The following TGFBI variants were observed in gnomAD, a reference collection of about 807,000 sequenced individuals.
TGFBI encodes transforming growth factor beta induced.
Under a neutral mutation model 73.7 loss-of-function variants are expected in TGFBI, and 50 were observed. The ratio of observed to expected loss-of-function variants is 0.68; its 90% CI spans 0.54 to 0.86. The LOEUF (loss-of-function observed/expected upper bound fraction) is 0.86, where lower values mean the gene tolerates loss of function less well. Among genes scored for constraint, TGFBI ranks in the 40% least tolerant of loss-of-function variants. The probability of loss-of-function intolerance (pLI) is 0.00; values close to 1 mark genes in which losing one functional copy is unlikely to be tolerated. For synonymous variants in TGFBI, 362 were observed against 360.5 expected, an observed-to-expected ratio of 1.00 and a Z score of -0.05; for missense variants, 839 against 877.0, an observed-to-expected ratio of 0.96 and a Z score of 0.55.
In TGFBI at chr5:136,040,739, A is replaced by G. The variant is rs1359722906; in HGVS notation, c.234-3319A>G. 2.0e-5 allele frequency among the ~76,000 whole-genome samples: 3 copies of G among 152,248 alleles called. No individual in the cohort carries two copies. In the East Asian group the frequency reaches 5.8e-4, roughly 29 times the overall value. ...TTGGCTGATGAGATTAGATTCAGAA[A>G]CCAACAGATTGGTCTTTTCTATGCA... On this transcript the variant is annotated intron_variant, in intron 2 of 16. Transcript: ENST00000442011.
Position 136,047,274 on chromosome 5 carries a change from A to G in TGFBI, c.625A>G (p.Ile209Val), listed in dbSNP as rs755173906. 3 of 1,613,620 alleles carry G rather than the reference A, an allele frequency of 1.9e-6. No individual in the cohort carries two copies. Among genetic ancestry groups the G allele is most frequent in the Non-Finnish European group, 2.5e-6 (3 of 1,179,792 alleles). The change falls in exon 6 of 17, where the codon ATT (isoleucine) becomes GTT (valine). Residue 209 changes from isoleucine (I) to valine (V), a missense_variant and splice_region_variant. Transcript: ENST00000442011. Reference protein sequence around the residue: ...NIQIHHYPNGIVTVNCARLLK... With the variant: ...NIQIHHYPNGVVTVNCARLLK... ...TCATCCTTGCTGCTTCTCTGGGCAG[A>G]TTGTAACTGTGAACTGTGCCCGGCT...
intron 14 of TGFBI, 26 bp from the exon 15 acceptor site, chr5:136,061,474 A>G: frequency 6.4e-7 from 1 of 1,567,556 alleles, no homozygotes; most frequent in Non-Finnish European, 8.7e-7. Flanking sequence ...CACTCTGGTC[A>G]AACCTGCCTT....
intron 2 of TGFBI, among the ~76,000 whole-genome samples, chr5:136,042,562 AAT>A (rs1455800953): frequency 6.6e-6 from 1 of 152,190 alleles, no homozygotes; most frequent in Non-Finnish European, 1.5e-5. Flanking sequence ...GTCCCAAGAC[AAT>A]AGCCTGTTTA....
At chr5:136,038,119 C>G (rs565019045) in intron 2 of TGFBI, among the ~76,000 whole-genome samples, 6 of 152,280 alleles carry the variant, frequency 3.9e-5, no homozygotes, top group Admixed American at 3.9e-4. Flanking sequence ...ATCGACCAAA[C>G]GCCTCTGTTG....
chr5:136,033,676 TGA>T (rs1751162391), intron 1 of TGFBI, 85 bp from the exon 2 acceptor site: 2 of 1,058,426 alleles, frequency 1.9e-6, no homozygotes, highest in Non-Finnish European at 2.9e-6. Context: ...AAAGTTCCAG[TGA>T]CCCAAGGAGG....
At chr5:136,060,773 TA>T in intron 13 of TGFBI, 60 bp from the exon 14 acceptor site, 1 of 1,264,446 alleles carries the variant, frequency 7.9e-7, no homozygotes, top group Non-Finnish European at 1.1e-6. Flanking sequence ...ATGAATAAAA[TA>T]AATATATAAA....
chr5:136,029,661 C>T (rs1193221044), intron 1 of TGFBI, among the ~76,000 whole-genome samples: 3 of 152,168 alleles, frequency 2.0e-5, no homozygotes, highest in Non-Finnish European at 4.4e-5. Context: ...CTAAGGTGCC[C>T]CAGGCTCCTG....
At chr5:136,047,739 A>G (rs1305186022) in intron 6 of TGFBI, 1 of 309,930 alleles carries the variant, frequency 3.2e-6, no homozygotes, top group Non-Finnish European at 6.0e-6. Flanking sequence ...GGCAGTTCCC[A>G]CATGGGGTAC....
intron 3 of TGFBI, among the ~76,000 whole-genome samples, chr5:136,045,097 AT>A (rs1010943419): frequency 1.3e-5 from 2 of 152,130 alleles, no homozygotes; most frequent in African/African-American, 4.8e-5. Context: ...TGTATTGGCT[AT>A]TTTTTTAGTT....
At chr5:136,032,709 C>G (rs995574992) in intron 1 of TGFBI, among the ~76,000 whole-genome samples, 1 of 152,158 alleles carries the variant, frequency 6.6e-6, no homozygotes, top group Non-Finnish European at 1.5e-5. Context: ...ATGCCTGCCT[C>G]TGGCTCAGGA....
At chr5:136,054,990 A>G (rs187515239) in intron 10 of TGFBI, 129 bp downstream of exon 10, 2 of 1,136,428 alleles carry the variant, frequency 1.8e-6, no homozygotes, top group Admixed American at 4.6e-5. Flanking sequence ...GAAGGAAATA[A>G]TTTCTGGAAA....
chr5:136,058,953 T>C, intron 12 of TGFBI, 137 bp from the exon 13 acceptor site: 5 of 1,107,518 alleles, frequency 4.5e-6, no homozygotes, highest in African/African-American at 3.2e-5. Flanking sequence ...AGTGGGAGCT[T>C]AATAAGTGCT....
At chr5:136,049,332 T>C in intron 6 of TGFBI, 107 bp from the exon 7 acceptor site, 4 of 1,424,474 alleles carry the variant, frequency 2.8e-6, no homozygotes, top group Non-Finnish European at 3.8e-6. Flanking sequence ...CTTGGGCTTC[T>C]GTGAAAGCCT....
At chr5:136,037,061 C>T (rs1361510442) in intron 2 of TGFBI, among the ~76,000 whole-genome samples, 1 of 152,180 alleles carries the variant, frequency 6.6e-6, no homozygotes. Context: ...TGTGAGGCCC[C>T]AGACTCCACT....
At chr5:136,030,649 G>A (rs1751103051) in intron 1 of TGFBI, among the ~76,000 whole-genome samples, 1 of 152,148 alleles carries the variant, frequency 6.6e-6, no homozygotes, top group South Asian at 2.1e-4. Flanking sequence ...AGGGATATGA[G>A]GCCTCAACAT....
intron 1 of TGFBI, among the ~76,000 whole-genome samples, chr5:136,030,205 G>T (rs567087074): frequency 1.3e-5 from 2 of 152,308 alleles, no homozygotes; most frequent in African/African-American, 4.8e-5. Flanking sequence ...TACCATCGGG[G>T]TCTGGCGTTC....
intron 2 of TGFBI, among the ~76,000 whole-genome samples, chr5:136,038,580 G>T (rs371467212): frequency 2.0e-5 from 3 of 152,136 alleles, no homozygotes; most frequent in Admixed American, 6.5e-5. Context: ...AATTAGCCAG[G>T]CATGGTGGTA....
chr5:136,055,946 G>C, intron 11 of TGFBI, 130 bp downstream of exon 11: 1 of 942,794 alleles, frequency 1.1e-6, no homozygotes, highest in Non-Finnish European at 1.5e-6. Context: ...GCACTGCTGC[G>C]ACCTTCCAGA....
At chr5:136,054,681 ATC>A in intron 9 of TGFBI, 33 bp from the exon 10 acceptor site, 1 of 1,613,748 alleles carries the variant, frequency 6.2e-7, no homozygotes, top group South Asian at 1.1e-5. Context: ...GCAGGAGCAC[ATC>A]TCTCTGGACC....
Sources: allele counts gnomAD v4.1 joint callset (sites outside exome capture counted in the v4.1 genomes callset), GRCh38; gene constraint gnomAD v4.1.1; transcripts MANE v1.5; gene names NCBI Gene and HGNC (gene_info 2026-07-23, HGNC 2026-07-21).